Variants in KLK5 observed in about 807,000 individuals in gnomAD.
The protein encoded by KLK5 is kallikrein related peptidase 5, also known as kallikrein-5.
A neutral mutation model predicts 24.0 loss-of-function variants in KLK5; 18 were observed. The observed-to-expected ratio is 0.75, with a 90% CI of 0.52 to 1.11. The LOEUF is 1.11. KLK5 is among the 50% of genes most tolerant of loss of function. The probability of loss-of-function intolerance (pLI) is 0.00; values close to 1 mark genes in which losing one functional copy is unlikely to be tolerated. For missense variants in KLK5, 374 were observed against 379.2 expected, an observed-to-expected ratio of 0.99 and a Z score of 0.11; for synonymous variants, 140 against 154.0, an observed-to-expected ratio of 0.91 and a Z score of 0.67.
Position 50,943,647 on chromosome 19 carries a change from A to G in KLK5, c.866T>C (p.Ile289Thr). ...CKFTKWIQETIQANS is the reference protein window; with the variant it reads ...CKFTKWIQETTQANS ...TGGGATGACTCAGGAGTTGGCCTGGATGGTTTCCTGGATCCACTTGGTGAA... is the reference window on the plus strand; with the variant it reads ...TGGGATGACTCAGGAGTTGGCCTGGGTGGTTTCCTGGATCCACTTGGTGAA... Residue 289 changes from isoleucine to threonine, a missense_variant, in exon 6 of 6, where the codon ATC becomes ACC. By Grantham distance (89) the Ile-to-Thr change is moderately conservative. Coordinates refer to ENST00000336334, the MANE Select transcript of KLK5 (RefSeq NM_012427.5). 1.2e-6 allele frequency: 2 copies of G among 1,613,902 alleles called. No individual in the cohort carries two copies. Among genetic ancestry groups the G allele is most frequent in the Non-Finnish European group, 1.7e-6 (2 of 1,179,914 alleles).
At chr19:50,945,816 A>AGAAAAGAAAAGAAAAGAAAG (rs1476685930) in intron 5 of KLK5, among the ~76,000 whole-genome samples, 1 of 152,142 alleles carries the variant, frequency 6.6e-6, no homozygotes, top group African/African-American at 2.4e-5. Flanking sequence ...AGAAAAGAAA[A>AGAAAAGAAAAGAAAAGAAAG]GAAATAAATA....
chr19:50,946,748 A>G (rs578210166), intron 5 of KLK5, among the ~76,000 whole-genome samples: 1 of 152,030 alleles, frequency 6.6e-6, no homozygotes, highest in East Asian at 1.9e-4. Context: ...TTTAGTAGAG[A>G]CAGGGTTTCA....
At position 50,943,645 on chromosome 19, in the gene KLK5, G is replaced by A; in HGVS notation, c.868C>T (p.Gln290Ter). The A allele has an allele frequency of 6.2e-7, 1 of 1,613,956 alleles. No individual in the cohort carries two copies. Among genetic ancestry groups the A allele is most frequent in the Non-Finnish European group, 8.5e-7 (1 of 1,179,916 alleles). The change falls in exon 6 of 6, where the codon CAG (glutamine) becomes TAG (stop). Residue 290 changes from glutamine to a stop codon, truncating the protein, a stop_gained. Transcript: ENST00000336334. LOFTEE classifies it high-confidence loss of function. Reference protein sequence around the residue: ...KFTKWIQETIQANS With the variant: ...KFTKWIQETI ...CCTGGGATGACTCAGGAGTTGGCCT[G>A]GATGGTTTCCTGGATCCACTTGGTG...
At chr19:50,952,183 A>ATATGTACC (rs61409696) in intron 2 of KLK5, among the ~76,000 whole-genome samples, 1 of 151,038 alleles carries the variant, frequency 6.6e-6, no homozygotes, top group Admixed American at 6.6e-5. Context: ...AGGGACAGGA[A>ATATGTACC]CTGCAGATAC....
rs764292158 is a variant in KLK5 at position 50,948,683 on chromosome 19, G to A, written c.683C>T (p.Thr228Ile). ...TGCTTTGTCACCGGCGCAGAACATG[G>A]TGTCATCTATCTGTCTCGGGTAAGC... ...EDAYPRQIDD[T>I]MFCAGDKAGR... Residue 228 changes from threonine to isoleucine, a missense_variant, in exon 5 of 6, where the codon ACC (threonine) becomes ATC (isoleucine). Coordinates refer to ENST00000336334, the MANE Select transcript of KLK5 (RefSeq NM_012427.5). The A allele has an allele frequency of 3.7e-6, 6 of 1,614,142 alleles. No individual in the cohort carries two copies. Among genetic ancestry groups the A allele is most frequent in the Non-Finnish European group, 5.1e-6 (6 of 1,180,024 alleles).
In KLK5 at chr19:50,949,971, G is replaced by C. The variant is rs2090671756; in HGVS notation, c.219C>G (p.Cys73Trp). The change falls in exon 3 of 6, where the codon TGC (cysteine) becomes TGG (tryptophan). Residue 73 changes from cysteine (C) to tryptophan (W), a missense_variant. Physicochemically the swap from Cys to Trp is radical, Grantham distance 215. Transcript: ENST00000336334. ...CCTGCCACGGCTGGGTGTGCATATC[G>C]CAGTCGGATCCATTGATGATGCGGC... ...SSSRIINGSD[C>W]DMHTQPWQAA... The C allele has an allele frequency of 6.2e-7, 1 of 1,613,766 alleles. No homozygotes were observed. Among genetic ancestry groups the C allele is most frequent in the Non-Finnish European group, 8.5e-7 (1 of 1,179,996 alleles).
At chr19:50,949,528 C>T (rs770353989) in intron 3 of KLK5, among the ~76,000 whole-genome samples, 9 of 151,782 alleles carry the variant, frequency 5.9e-5, no homozygotes, top group Non-Finnish European at 7.4e-5. Flanking sequence ...CCATCCCAAA[C>T]CATTCAACAA....
At chr19:50,946,939 G>A (rs73932690) in intron 5 of KLK5, among the ~76,000 whole-genome samples, 1 of 152,046 alleles carries the variant, frequency 6.6e-6, no homozygotes, top group African/African-American at 2.4e-5. Flanking sequence ...GAAATGGGGA[G>A]AGCTGGGGAG....
rs2232536 is a variant in KLK5, at chr19:50,948,559, G to A, written c.726+81C>T. The A allele has an allele frequency of 2.8e-3, 4,010 of 1,452,274 alleles. 83 individuals carry two copies. In the African/African-American group the frequency reaches 0.044, roughly 16 times the overall value. 90.0% of individuals were successfully genotyped at this position (1,452,274 alleles called of 1,614,324 possible). A position where few individuals can be genotyped will look rare whatever the true frequency, so the allele number is the denominator to read the frequency against. Reference sequence around the variant, plus strand: ...GTCCTGACTGTCTTGGCAATTGCTGGATTCTCAGAATTTGGCAACGCTCCA... The same window carrying A: ...GTCCTGACTGTCTTGGCAATTGCTGAATTCTCAGAATTTGGCAACGCTCCA... On this transcript the variant is annotated intron_variant, in intron 5 of 5. Transcript: ENST00000336334.
At chr19:50,949,794 T>TCCCCGTCCCCCCCAGC in intron 3 of KLK5, 61 bp downstream of exon 3, 3 of 109,254 alleles carry the variant, frequency 2.7e-5, no homozygotes, top group Admixed American at 1.6e-4. Context: ...CACCCCCACT[T>TCCCCGTCCCCCCCAGC]CCCCACCCCC....
In KLK5 at chr19:50,952,531, C is replaced by G; in HGVS notation, c.73+54G>C. 16 of 1,396,930 alleles carry G rather than the reference C, an allele frequency of 1.1e-5. No homozygotes were observed. The South Asian group carries it at 1.6e-4, about 14-fold the overall frequency. 86.5% of individuals were successfully genotyped at this position (1,396,930 alleles called of 1,614,324 possible). On this transcript the variant is annotated intron_variant, in intron 2 of 5. Transcript: ENST00000336334. ...CCCCAGGGGACAGGCGCTCTAGTGC[C>G]GCAGAGACAGTCCTCCCAATCCCAC...
intron 2 of KLK5, among the ~76,000 whole-genome samples, chr19:50,950,889 CCAAAAAAAA>C (rs1307269976): frequency 2.0e-4 from 1 of 4,896 alleles, no homozygotes; most frequent in African/African-American, 7.1e-4. Flanking sequence ...AAGACTGTCT[CCAAAAAAAA>C]AAAAAAAAAA....
intron 5 of KLK5, among the ~76,000 whole-genome samples, chr19:50,946,039 A>G (rs1028288446): frequency 6.6e-6 from 1 of 152,228 alleles, no homozygotes; most frequent in Non-Finnish European, 1.5e-5. Context: ...CATGCAAAAT[A>G]TGAATTACAG....
At chr19:50,944,458 C>T (rs2090613946) in intron 5 of KLK5, among the ~76,000 whole-genome samples, 1 of 152,264 alleles carries the variant, frequency 6.6e-6, no homozygotes, top group Non-Finnish European at 1.5e-5. Flanking sequence ...GCCTGTCTCC[C>T]TCATCGTGTA....
intron 5 of KLK5, among the ~76,000 whole-genome samples, chr19:50,945,563 CA>C (rs1408561747): frequency 2.6e-5 from 4 of 151,624 alleles, no homozygotes; most frequent in African/African-American, 9.7e-5. Context: ...GAGGCCGAGG[CA>C]GGCAGATCAC....
rs2090648014 is a variant in KLK5, at chr19:50,947,718, T to C, written c.726+922A>G. On this transcript the variant is annotated intron_variant, in intron 5 of 5. Coordinates refer to ENST00000336334, the MANE Select transcript of KLK5 (RefSeq NM_012427.5). The surrounding 1 kb of genome is among the most constrained non-coding windows in gnomAD (Gnocchi z 8.7). ...CAGCACTTGCTAGAAAACTGTCATATTACAGATTTTGTTGAAACAAGACAC... is the reference window on the plus strand; with the variant it reads ...CAGCACTTGCTAGAAAACTGTCATACTACAGATTTTGTTGAAACAAGACAC... Among the ~76,000 whole-genome samples the C allele has an allele frequency of 6.6e-6, 1 of 152,240 alleles. No homozygotes were observed.
rs1431268024 is a variant in KLK5 at position 50,949,083 on chromosome 19, A to G, written c.368T>C (p.Leu123Pro). 4 of 1,613,422 alleles carry G rather than the reference A, an allele frequency of 2.5e-6. No homozygotes were observed. The highest frequency in any genetic ancestry group is 2.5e-6 in the Non-Finnish European group (3 of 1,179,958). Residue 123 changes from leucine (L) to proline (P), a missense_variant, in exon 4 of 6, where the codon CTG becomes CCG. Physicochemically the swap from Leu to Pro is moderately conservative, Grantham distance 98. Coordinates refer to ENST00000336334, the MANE Select transcript of KLK5 (RefSeq NM_012427.5). ...CTGCCCAGATTCATAAACTGGTGAC[A>G]GGGAGTAGTGGCCGAGACGGACTCT... ...VFRVRLGHYS[L>P]SPVYESGQQM...
chr19:50,943,675 T>G lies in KLK5; in HGVS notation c.838A>C (p.Lys280Gln). Residue 280 changes from lysine to glutamine, a missense_variant, in exon 6 of 6, where the codon AAG (lysine) becomes CAG (glutamine). Physicochemically the swap from Lys to Gln is moderately conservative, Grantham distance 53. Coordinates refer to ENST00000336334, the MANE Select transcript of KLK5 (RefSeq NM_012427.5). ...NRPGVYTNLCKFTKWIQETIQ... is the reference protein window; with the variant it reads ...NRPGVYTNLCQFTKWIQETIQ... ...GTTTCCTGGATCCACTTGGTGAACT[T>G]GCAGAGGTTCGTGTAGACACCCGGT... is the stretch of plus-strand genomic sequence containing the variant. The G allele has an allele frequency of 6.2e-7, 1 of 1,613,982 alleles. No individual in the cohort carries two copies. Among genetic ancestry groups the G allele is most frequent in the East Asian group, 2.2e-5 (1 of 44,866 alleles).
Position 50,947,024 on chromosome 19 carries a change from C to T in KLK5, c.726+1616G>A, listed in dbSNP as rs2090642019. 6.6e-6 allele frequency among the ~76,000 whole-genome samples: 1 copy of T among 152,176 alleles called. No homozygotes were observed. Among genetic ancestry groups the T allele is most frequent in the South Asian group, 2.1e-4 (1 of 4,822 alleles). On this transcript the variant is annotated intron_variant, in intron 5 of 5. Transcript: ENST00000336334. This position sits in a 1 kb window ranked among gnomAD's most constrained non-coding sequence, Gnocchi z 8.7. ...ATGGGACTGGAGTACTCCTGAATCC[C>T]CAGCTTCCTAACTACTGTTGAAACA...
Sources: gnomAD v4.1 joint callset for allele counts (sites outside exome capture counted in the v4.1 genomes callset) on GRCh38, gnomAD v4.1.1 for gene constraint, Gnocchi (gnomAD v3.1) non-coding constraint, MANE v1.5 for transcripts, NCBI Gene and HGNC (gene_info 2026-07-23, HGNC 2026-07-21) for gene names.